The following C3 variants were observed in gnomAD, a reference collection of about 807,000 sequenced individuals.
C3 encodes the protein complement C3, also known as C3 and PZP-like alpha-2-macroglobulin domain-containing protein 1.
A neutral mutation model predicts 207.9 loss-of-function variants in C3; 97 were observed. The observed-to-expected ratio is 0.47, with a 90% confidence interval of 0.40 to 0.55. The LOEUF (loss-of-function observed/expected upper bound fraction) is 0.55, where lower values mean the gene tolerates loss of function less well. C3 is among the 20% of genes least tolerant of loss of function. The probability of loss-of-function intolerance (pLI) is 0.00; values close to 1 mark genes in which losing one functional copy is unlikely to be tolerated. For synonymous variants in C3, 848 were observed against 857.6 expected (o/e 0.99, Z 0.20); for missense variants, 1,684 against 2,171.7 (o/e 0.78, Z 4.46).
intron 32 of C3, 32 bp downstream of exon 32, chr19:6,684,528 A>C (rs778670326): frequency 6.3e-7 from 1 of 1,583,224 alleles, no homozygotes; most frequent in Non-Finnish European, 8.7e-7. Context: ...GGGTAGGAGG[A>C]AGGTGACAGA....
chr19:6,710,431 AAG>A (rs983048754), intron 13 of C3, among the ~76,000 whole-genome samples: 2 of 101,554 alleles, frequency 2.0e-5, no homozygotes, highest in African/African-American at 4.2e-5. Context: ...GAGAGAGGGA[AAG>A]AGAGATGTAG....
chr19:6,707,781 C>G lies in C3; in HGVS notation c.1975+19G>C, dbSNP rs564999387. ...GAGGTGCTGTCTGTCCCTGCACCGGCCCCTGGTGGCGACCTCACCTGCCCT... is the reference window on the plus strand; with the variant it reads ...GAGGTGCTGTCTGTCCCTGCACCGGGCCCTGGTGGCGACCTCACCTGCCCT... On this transcript the variant is annotated intron_variant, in intron 15 of 40. Transcript: ENST00000245907. 1 of 1,612,512 alleles carries G rather than the reference C, an allele frequency of 6.2e-7. No individual in the cohort carries two copies. Among genetic ancestry groups the G allele is most frequent in the Non-Finnish European group, 8.5e-7 (1 of 1,179,906 alleles).
chr19:6,720,383 C>A (rs1367490546), intron 1 of C3, 133 bp downstream of exon 1: 5 of 702,218 alleles, frequency 7.1e-6, no homozygotes, highest in African/African-American at 5.3e-5. Context: ...TATATATAAT[C>A]ATTCCCAACC....
intron 35 of C3, among the ~76,000 whole-genome samples, chr19:6,681,417 A>T (rs1239585514): frequency 6.6e-6 from 1 of 150,894 alleles, no homozygotes; most frequent in African/African-American, 2.4e-5. Context: ...GCAGTGTCGC[A>T]GGCCTGCAGT....
In C3 at chr19:6,710,849, G is replaced by C; in HGVS notation, c.1480-4C>G. The stretch of plus-strand genomic sequence containing the variant: ...ACAGCCTGCCCTTGTTCATGATCTG[G>C]GGGGACAGGCTGGCATCAGGCTGGG... On this transcript the variant is annotated splice_region_variant and splice_polypyrimidine_tract_variant and intron_variant, in intron 12 of 40. Transcript: ENST00000245907. 6.2e-7 allele frequency: 1 copy of C among 1,613,224 alleles called. No individual in the cohort carries two copies. The highest frequency in any genetic ancestry group is 8.5e-7 in the Non-Finnish European group (1 of 1,179,334).
rs1719201161 is a variant in C3, at chr19:6,713,463, C to G, written c.820G>C (p.Gly274Arg). 1 of 1,613,910 alleles carries G rather than the reference C, an allele frequency of 6.2e-7. No individual in the cohort carries two copies. Among genetic ancestry groups the G allele is most frequent in the Non-Finnish European group, 8.5e-7 (1 of 1,179,950 alleles). ...KVEGTAFVIF[G>R]IQDGEQRISL... ...ATCCTCTGTTCGCCATCCTGGATCC[C>G]GAAGATGACAAAGGCAGTTCCCTCC... is the stretch of plus-strand genomic sequence containing the variant. Residue 274 changes from glycine (G) to arginine (R), a missense_variant, in exon 8 of 41, where the codon GGG becomes CGG. Physicochemically the swap from Gly to Arg is moderately radical, Grantham distance 125. Transcript: ENST00000245907.
chr19:6,702,089 TC>T (rs1381478951), intron 19 of C3, 37 bp downstream of exon 19: 1 of 1,093,374 alleles, frequency 9.1e-7, no homozygotes, highest in East Asian at 2.4e-5. Context: ...CACCCTGGGG[TC>T]CCTGCCTCCC....
chr19:6,689,193 G>A (rs985454668), intron 27 of C3, among the ~76,000 whole-genome samples: 4 of 152,146 alleles, frequency 2.6e-5, no homozygotes, highest in Admixed American at 6.5e-5. Context: ...TACAGAGATC[G>A]TTATTTATTA....
At chr19:6,717,475 GTTGTGTGTGCTATGT>G in intron 4 of C3, 1 of 201,460 alleles carries the variant, frequency 5.0e-6, no homozygotes, top group East Asian at 1.2e-4. Flanking sequence ...TGGGTTGTGT[GTTGTGTGTGCTATGT>G]TTGTGTGCAC....
In C3 at chr19:6,678,170, A is replaced by T; in HGVS notation, c.4832T>A (p.Phe1611Tyr). ...HYLMWGLSSD[F>Y]WGEKPNLSYI... is the part of the protein sequence containing the mutation. ...CACTCACTTGGGCTTCTCTCCCCAG[A>T]AATCGGAGGAGAGACCCCACATGAG... is the stretch of plus-strand genomic sequence containing the variant. Residue 1611 changes from phenylalanine to tyrosine, a missense_variant, in exon 40 of 41, where the codon TTC (phenylalanine) becomes TAC (tyrosine). Coordinates refer to ENST00000245907, the MANE Select transcript of C3 (RefSeq NM_000064.4). The T allele has an allele frequency of 6.2e-7, 1 of 1,614,192 alleles. No homozygotes were observed. Among genetic ancestry groups the T allele is most frequent in the Non-Finnish European group, 8.5e-7 (1 of 1,180,028 alleles).
intron 23 of C3, 131 bp downstream of exon 23, chr19:6,696,248 A>G: frequency 1.5e-6 from 1 of 667,182 alleles, no homozygotes; most frequent in Non-Finnish European, 2.7e-6. Flanking sequence ...GAGGGAAAAC[A>G]GATCACAGAT....
At position 6,684,648 on chromosome 19, in the gene C3, C is replaced by T. The variant is rs1257573774; in HGVS notation, c.4032G>A (p.Val1344=). Residue 1344 remains valine, a splice_region_variant and synonymous_variant, in exon 32 of 41, where the codon GTG becomes GTA. Coordinates refer to ENST00000245907, the MANE Select transcript of C3 (RefSeq NM_000064.4). ...TGGCCTTAGCATGGTACATTGTCAC[C>T]ACCTGGTAAGATGGGAGAGGAGACA... ...AEGKGQGTLS[V]VTMYHAKAKD... is the part of the protein sequence containing the mutation. The T allele has an allele frequency of 1.2e-6, 2 of 1,613,254 alleles. No individual in the cohort carries two copies. Among genetic ancestry groups the T allele is most frequent in the Non-Finnish European group, 1.7e-6 (2 of 1,179,296 alleles).
intron 19 of C3, 136 bp downstream of exon 19, chr19:6,701,991 C>T (rs1967684440): frequency 2.9e-6 from 2 of 696,916 alleles, no homozygotes; most frequent in Non-Finnish European, 2.6e-6. Flanking sequence ...TTCCTGGTAA[C>T]AACACCTCTG....
At chr19:6,692,850 GCTCT>G (rs1291557277) in intron 26 of C3, 70 bp downstream of exon 26, 5 of 1,543,256 alleles carry the variant, frequency 3.2e-6, no homozygotes, top group East Asian at 2.2e-5. Context: ...TGGAGGTGGG[GCTCT>G]CTCTCGTGTT....
At chr19:6,717,431 TGC>T (rs796893591) in intron 4 of C3, 1,647 of 147,174 alleles carry the variant, frequency 0.011, 25 homozygotes, top group East Asian at 0.079. Flanking sequence ...TGTGTGTGTG[TGC>T]GCGCCATATG....
In C3 at chr19:6,719,135, G is replaced by A. The variant is rs1342158609; in HGVS notation, c.267+76C>T. 2 of 1,290,520 alleles carry A rather than the reference G, an allele frequency of 1.5e-6. No individual in the cohort carries two copies. Among genetic ancestry groups the A allele is most frequent in the African/African-American group, 1.5e-5 (1 of 68,420 alleles). 79.9% of individuals were successfully genotyped at this position (1,290,520 alleles called of 1,614,324 possible). On this transcript the variant is annotated intron_variant, in intron 2 of 40. Coordinates refer to ENST00000245907, the MANE Select transcript of C3 (RefSeq NM_000064.4). The surrounding 1 kb of genome is among the most constrained non-coding windows in gnomAD (Gnocchi z 5.4). Reference sequence around the variant, plus strand: ...GGCTTAGAAAGGGAGAAGACAGAAGGGGAGGGGCTCAGGAGGAGGGGGGGA... The same window carrying A: ...GGCTTAGAAAGGGAGAAGACAGAAGAGGAGGGGCTCAGGAGGAGGGGGGGA...
chr19:6,718,881 G>A (rs1394540637), intron 2 of C3, among the ~76,000 whole-genome samples: 1 of 145,838 alleles, frequency 6.9e-6, no homozygotes, highest in East Asian at 2.1e-4. Context: ...CAGAAGGGGT[G>A]GGGTCTCAGG....
intron 4 of C3, chr19:6,717,854 C>T: frequency 1.6e-6 from 1 of 612,778 alleles, no homozygotes; most frequent in Non-Finnish European, 3.0e-6. Flanking sequence ...TGTGTGTGTG[C>T]ATTGTGTGTG....
At chr19:6,717,286 A>T (rs1410478441) in intron 4 of C3, 1 of 154,028 alleles carries the variant, frequency 6.5e-6, no homozygotes, top group Admixed American at 6.4e-5. Flanking sequence ...TGATCCCGAT[A>T]TTCAGATAAG....
Sources: gnomAD v4.1 joint callset for allele counts (sites outside exome capture counted in the v4.1 genomes callset) on GRCh38, gnomAD v4.1.1 for gene constraint, Gnocchi (gnomAD v3.1) non-coding constraint, MANE v1.5 for transcripts, NCBI Gene and HGNC (gene_info 2026-07-23, HGNC 2026-07-21) for gene names.